The following SLC25A48 variants were observed in gnomAD, a reference collection of about 807,000 sequenced individuals.
SLC25A48 encodes the protein solute carrier family 25 member 48.
SLC25A48 carries 29 observed loss-of-function variants against 32.2 expected under a neutral mutation model. The ratio of observed to expected loss-of-function variants is 0.90; its 90% CI spans 0.67 to 1.23. The LOEUF (loss-of-function observed/expected upper bound fraction) is 1.23. Ranked by LOEUF, SLC25A48 falls within the 50% of genes most tolerant of loss-of-function variation. The pLI, the probability that SLC25A48 is intolerant of heterozygous loss-of-function variation, is 0.00. For synonymous variants in SLC25A48, 164 were observed against 172.3 expected (o/e 0.95, Z 0.38); for missense variants, 399 against 422.7 (o/e 0.94, Z 0.49).
chr5:135,712,897 C>T (rs1301802124), intron 3 of SLC25A48, among the ~76,000 whole-genome samples: 2 of 152,220 alleles, frequency 1.3e-5, no homozygotes, highest in African/African-American at 4.8e-5. Context: ...CATGCATAGA[C>T]CATCCTCCAT....
Position 135,785,466 on chromosome 5 carries a change from G to T in SLC25A48, c.-520-27057G>T, listed in dbSNP as rs145980508. Among the ~76,000 whole-genome samples, 816 of 150,738 alleles carry T rather than the reference G, an allele frequency of 5.4e-3. 7 individuals carry two copies. The highest frequency in any genetic ancestry group is 0.018 in the African/African-American group (750 of 41,014). On this transcript the variant is annotated intron_variant, in intron 3 of 10. Coordinates refer to the SLC25A48 transcript ENST00000646290. Reference sequence around the variant, plus strand: ...GGTGGAACACCCCCTTTGCCCCATGGATGGTAATATCCAGGCGGGAGGGGG... The same window carrying T: ...GGTGGAACACCCCCTTTGCCCCATGTATGGTAATATCCAGGCGGGAGGGGG...
At chr5:135,800,359 G>A (rs545040967) in intron 3 of SLC25A48, among the ~76,000 whole-genome samples, 4 of 151,906 alleles carry the variant, frequency 2.6e-5, no homozygotes, top group South Asian at 2.1e-4. Flanking sequence ...TCCCAATATC[G>A]AAGGGGGTGT....
chr5:135,658,036 A>G (rs1753298388), intron 3 of SLC25A48, among the ~76,000 whole-genome samples: 1 of 152,200 alleles, frequency 6.6e-6, no homozygotes, highest in African/African-American at 2.4e-5. Flanking sequence ...TGGCCACTCC[A>G]AAATCTCATG....
intron 1 of SLC25A48, among the ~76,000 whole-genome samples, chr5:135,611,678 C>T (rs115852739): frequency 0.017 from 2,558 of 152,130 alleles, 71 homozygotes; most frequent in African/African-American, 0.058. Context: ...CACCTCTGCA[C>T]GCCCACCTGG....
At chr5:135,594,443 C>T (rs1051544555) in intron 1 of SLC25A48, among the ~76,000 whole-genome samples, 1 of 152,220 alleles carries the variant, frequency 6.6e-6, no homozygotes, top group South Asian at 2.1e-4. Context: ...AGCTCCAAAT[C>T]CTGCTGTCTC....
At chr5:135,874,000 C>T in intron 5 of SLC25A48, 21 bp from the exon 6 acceptor site, 4 of 1,526,628 alleles carry the variant, frequency 2.6e-6, no homozygotes, top group Non-Finnish European at 3.5e-6. Flanking sequence ...GCCCCTGACA[C>T]CTGTTTCTTT....
At chr5:135,772,814 C>A (rs1345169784) in intron 3 of SLC25A48, among the ~76,000 whole-genome samples, 2 of 151,094 alleles carry the variant, frequency 1.3e-5, no homozygotes, top group Non-Finnish European at 3.0e-5. Context: ...GGTTGTACAA[C>A]CCTCTGTGAT....
chr5:135,878,083 C>T (rs938361533), intron 6 of SLC25A48, among the ~76,000 whole-genome samples: 4 of 152,166 alleles, frequency 2.6e-5, no homozygotes, highest in Admixed American at 6.5e-5. Context: ...AGGGGGGACT[C>T]GGTCTGGAGG....
Position 135,779,920 on chromosome 5 carries a change from T to C in SLC25A48, c.-520-32603T>C, listed in dbSNP as rs1171914061. Among the ~76,000 whole-genome samples the C allele has an allele frequency of 1.7e-5, 2 of 116,144 alleles. 1 individual carries two copies. Among genetic ancestry groups the C allele is most frequent in the Non-Finnish European group, 4.2e-5 (2 of 47,402 alleles). The allele number at this position is 116,144 out of a possible 152,430, so 76.2% of individuals were successfully genotyped here. ...CAGGGATGTACACACCCATGAGATA[T>C]TGATCCCAATAGGTAGGGTAAAGAA... is the stretch of plus-strand genomic sequence containing the variant. On this transcript the variant is annotated intron_variant, in intron 3 of 10. Transcript: ENST00000646290.
chr5:135,867,286 C>T (rs1191320815), intron 4 of SLC25A48, among the ~76,000 whole-genome samples: 1 of 152,162 alleles, frequency 6.6e-6, no homozygotes, highest in Non-Finnish European at 1.5e-5. Context: ...TGATCCGGCA[C>T]CTCGTAGTCT....
intron 3 of SLC25A48, among the ~76,000 whole-genome samples, chr5:135,650,999 A>T (rs867169292): frequency 5.3e-5 from 8 of 152,196 alleles, no homozygotes; most frequent in Middle Eastern, 6.8e-3. Context: ...ATTGCCTTTC[A>T]GCTCCAAATC....
chr5:135,683,024 G>A (rs564773541), intron 3 of SLC25A48, among the ~76,000 whole-genome samples: 3 of 152,258 alleles, frequency 2.0e-5, no homozygotes, highest in South Asian at 4.1e-4. Flanking sequence ...CTGTTTCTAC[G>A]ATCTGAATCC....
chr5:135,617,174 A>G (rs773116464), intron 1 of SLC25A48, among the ~76,000 whole-genome samples: 1 of 152,008 alleles, frequency 6.6e-6, no homozygotes, highest in Non-Finnish European at 1.5e-5. Context: ...TTTCTTTCAG[A>G]TTCAATCTTG....
intron 3 of SLC25A48, among the ~76,000 whole-genome samples, chr5:135,640,033 T>C (rs1430699826): frequency 6.6e-6 from 1 of 152,140 alleles, no homozygotes; most frequent in Non-Finnish European, 1.5e-5. Context: ...TCTAAGAACT[T>C]AAAGGAAAAG....
intron 3 of SLC25A48, among the ~76,000 whole-genome samples, chr5:135,774,740 G>T (rs1250501901): frequency 7.4e-6 from 1 of 135,686 alleles, no homozygotes; most frequent in African/African-American, 2.8e-5. Context: ...ACCACAGGGA[G>T]TGTACACCCC....
At chr5:135,711,959 A>G (rs1356093105) in intron 3 of SLC25A48, among the ~76,000 whole-genome samples, 2 of 140,832 alleles carry the variant, frequency 1.4e-5, no homozygotes, top group Non-Finnish European at 3.1e-5. Context: ...GGCATCCTGC[A>G]GGCCGCATTC....
intron 7 of SLC25A48, chr5:135,883,338 A>G (rs1254001366): frequency 2.0e-6 from 2 of 985,374 alleles, no homozygotes; most frequent in Non-Finnish European, 1.2e-6. Flanking sequence ...AACAGAACAA[A>G]ACAAAACTGG....
At chr5:135,722,290 C>T (rs767041781) in intron 3 of SLC25A48, among the ~76,000 whole-genome samples, 7 of 152,162 alleles carry the variant, frequency 4.6e-5, no homozygotes, top group Non-Finnish European at 1.0e-4. Flanking sequence ...GTGTTTGTCT[C>T]TCTGATGGTT....
At chr5:135,881,120 C>G (rs889786598) in intron 7 of SLC25A48, among the ~76,000 whole-genome samples, 1 of 152,252 alleles carries the variant, frequency 6.6e-6, no homozygotes, top group Non-Finnish European at 1.5e-5. Flanking sequence ...CAGGCCTCCT[C>G]TTCCTCCCTG....
Sources: allele counts gnomAD v4.1 joint callset (sites outside exome capture counted in the v4.1 genomes callset), GRCh38; gene constraint gnomAD v4.1.1; transcripts MANE v1.5; gene names NCBI Gene and HGNC (gene_info 2026-07-23, HGNC 2026-07-21).